CACNA1B: variants seen among roughly 807,000 people sequenced by gnomAD.
CACNA1B encodes voltage-dependent N-type calcium channel subunit alpha-1B.
A neutral mutation model predicts 247.2 loss-of-function variants in CACNA1B; 70 were observed. That is an observed-to-expected ratio of 0.28 (90% CI 0.23 to 0.35). The LOEUF (loss-of-function observed/expected upper bound fraction) is 0.35. Ranked by LOEUF, CACNA1B falls within the 10% of genes least tolerant of loss-of-function variation. The probability of loss-of-function intolerance (pLI) is 1.00; values close to 1 mark genes in which losing one functional copy is unlikely to be tolerated. For synonymous variants in CACNA1B, 1,231 were observed against 1,294.4 expected (o/e 0.95, Z 1.05); for missense variants, 2,367 against 3,197.4 (o/e 0.74, Z 6.26).
rs1166131761 is a variant in CACNA1B, at chr9:137,888,014, C to A, written c.530+5131C>A. The stretch of plus-strand genomic sequence containing the variant: ...GGAGAGGCTGGGAGGGTGGCGGGGG[C>A]AGGGGGGCCTTGGCTCGGGCGTTGG... On this transcript the variant is annotated intron_variant, in intron 3 of 46. Coordinates refer to ENST00000371372, the MANE Select transcript of CACNA1B (RefSeq NM_000718.4). The surrounding 1 kb of genome is among the most constrained non-coding windows in gnomAD (Gnocchi z 4.7). 6.6e-6 allele frequency among the ~76,000 whole-genome samples: 1 copy of A among 151,642 alleles called. No homozygotes were observed. Among genetic ancestry groups the A allele is most frequent in the Non-Finnish European group, 1.5e-5 (1 of 67,916 alleles).
chr9:137,904,351 TC>T (rs1416490094), intron 3 of CACNA1B, among the ~76,000 whole-genome samples: 5 of 128,338 alleles, frequency 3.9e-5, no homozygotes, highest in African/African-American at 1.6e-4. Flanking sequence ...TCTCTCTCTC[TC>T]TTTTTTTTTT....
chr9:138,067,780 G>A (rs1222180466), intron 31 of CACNA1B, among the ~76,000 whole-genome samples: 2 of 152,296 alleles, frequency 1.3e-5, no homozygotes, highest in Middle Eastern at 3.4e-3. Flanking sequence ...GCAGCCCCTC[G>A]AAAGTTGGAC....
rs370271136 is a variant in CACNA1B, at chr9:138,046,023, C to T, written c.3414-881C>T. On this transcript the variant is annotated intron_variant, in intron 21 of 46. Coordinates refer to ENST00000371372, the MANE Select transcript of CACNA1B (RefSeq NM_000718.4). ...CCGTCTGCCCCACCTGCTCCGTCCA[C>T]GGCTGCCTCTTCTGGTCCCCCACCC... is the stretch of plus-strand genomic sequence containing the variant. Among the ~76,000 whole-genome samples, 9 of 152,210 alleles carry T rather than the reference C, an allele frequency of 5.9e-5. No homozygotes were observed. The East Asian group carries it at 7.7e-4, about 13-fold the overall frequency.
At chr9:137,911,922 A>T (rs1191005884) in intron 3 of CACNA1B, among the ~76,000 whole-genome samples, 1 of 152,228 alleles carries the variant, frequency 6.6e-6, no homozygotes, top group Admixed American at 6.5e-5. Flanking sequence ...TGGTTTAAAC[A>T]ATAGGTGACT....
At chr9:137,921,874 G>A (rs1410592421) in intron 6 of CACNA1B, among the ~76,000 whole-genome samples, 59 of 145,474 alleles carry the variant, frequency 4.1e-4, no homozygotes, top group African/African-American at 1.5e-3. Flanking sequence ...AACATGATCA[G>A]CACTGCAGCC....
chr9:138,096,814 G>T, intron 37 of CACNA1B, among the ~76,000 whole-genome samples: 1 of 143,612 alleles, frequency 7.0e-6, no homozygotes, highest in Non-Finnish European at 1.5e-5. Flanking sequence ...GTGTGCCTTC[G>T]CGCAGTGGCC....
At chr9:138,094,457 A>AAGAAG (rs1554757334) in intron 36 of CACNA1B, among the ~76,000 whole-genome samples, 3 of 134,896 alleles carry the variant, frequency 2.2e-5, no homozygotes, top group Admixed American at 7.3e-5. Flanking sequence ...AAAAAAAAAA[A>AAGAAG]AAGAAGAAGA....
At chr9:138,097,131 C>G (rs2131343037) in intron 37 of CACNA1B, among the ~76,000 whole-genome samples, 1 of 152,114 alleles carries the variant, frequency 6.6e-6, no homozygotes, top group South Asian at 2.1e-4. Flanking sequence ...CCTCTGTGTC[C>G]CCAGCCCAGG....
rs1956877270 is a variant in CACNA1B, at chr9:137,878,951, C to T, written c.285-103C>T. On this transcript the variant is annotated intron_variant, in intron 1 of 46. Coordinates refer to ENST00000371372, the MANE Select transcript of CACNA1B (RefSeq NM_000718.4). The stretch of plus-strand genomic sequence containing the variant: ...GCTCCGGACCCAGTTGTCTCAGCCC[C>T]TCCGGAGACGGCCTAGCGGTGGCTG... 6 of 701,702 alleles carry T rather than the reference C, an allele frequency of 8.6e-6. No homozygotes were observed. In the South Asian group the frequency reaches 8.7e-5, roughly 10 times the overall value. 43.5% of individuals were successfully genotyped at this position (701,702 alleles called of 1,614,324 possible). A position where few individuals can be genotyped will look rare whatever the true frequency, so the allele number is the denominator to read the frequency against.
At chr9:138,003,048 T>C (rs1447857628) in intron 15 of CACNA1B, among the ~76,000 whole-genome samples, 1 of 151,548 alleles carries the variant, frequency 6.6e-6, no homozygotes, top group Non-Finnish European at 1.5e-5. Context: ...CCGTCCACCT[T>C]GGCCTCCAAA....
At chr9:138,120,965 C>G in intron 46 of CACNA1B, 84 bp downstream of exon 46, 1 of 1,430,500 alleles carries the variant, frequency 7.0e-7, no homozygotes, top group Non-Finnish European at 9.4e-7. Flanking sequence ...TGCCTCTCCC[C>G]AGGGCCTCGC....
At chr9:138,002,722 A>T (rs1024849069) in intron 15 of CACNA1B, among the ~76,000 whole-genome samples, 1 of 151,976 alleles carries the variant, frequency 6.6e-6, no homozygotes, top group African/African-American at 2.4e-5. Flanking sequence ...GAAAGAAAAA[A>T]ATATATATTA....
At chr9:137,892,295 C>T (rs1330899778) in intron 3 of CACNA1B, 11 of 456,640 alleles carry the variant, frequency 2.4e-5, no homozygotes, top group African/African-American at 2.0e-5. Context: ...TGGTTTCTGG[C>T]GAGGCCTCTC....
At chr9:137,946,082 A>C (rs533783025) in intron 6 of CACNA1B, among the ~76,000 whole-genome samples, 2 of 152,176 alleles carry the variant, frequency 1.3e-5, no homozygotes, top group Non-Finnish European at 2.9e-5. Context: ...GGCCTCCCAG[A>C]GTGCTAGCAT....
intron 45 of CACNA1B, 114 bp downstream of exon 45, chr9:138,120,486 C>A: frequency 7.2e-7 from 1 of 1,384,094 alleles, no homozygotes; most frequent in Non-Finnish European, 9.7e-7. Flanking sequence ...CCATAACCAG[C>A]CAGAGCAGGG....
At chr9:138,016,676 C>T (rs912360580) in intron 18 of CACNA1B, among the ~76,000 whole-genome samples, 2 of 152,100 alleles carry the variant, frequency 1.3e-5, no homozygotes, top group African/African-American at 2.4e-5. Flanking sequence ...GTCAGCCTCC[C>T]GCCGCAGGGT....
At chr9:138,025,237 C>G in intron 20 of CACNA1B, 65 bp downstream of exon 20, 1 of 1,113,710 alleles carries the variant, frequency 9.0e-7, no homozygotes, top group Non-Finnish European at 1.3e-6. Flanking sequence ...CCCCCATTCC[C>G]TCCTGCTCCA....
Position 138,014,417 on chromosome 9 carries a change from G to A in CACNA1B, c.2267+1182G>A, listed in dbSNP as rs888339654. ...CAGCTAGAAGAGGCTGCAGCCCGCCGGGGACTCAGGCAGGGATGGGAGGGG... is the reference window on the plus strand; with the variant it reads ...CAGCTAGAAGAGGCTGCAGCCCGCCAGGGACTCAGGCAGGGATGGGAGGGG... On this transcript the variant is annotated intron_variant, in intron 18 of 46. Transcript: ENST00000371372. The surrounding 1 kb of genome is among the most constrained non-coding windows in gnomAD (Gnocchi z 6.2). Among the ~76,000 whole-genome samples the A allele has an allele frequency of 3.9e-5, 6 of 152,102 alleles. No homozygotes were observed. The highest frequency in any genetic ancestry group is 7.2e-5 in the African/African-American group (3 of 41,416).
chr9:137,974,140 G>T lies in CACNA1B; in HGVS notation c.1544-1767G>T, dbSNP rs976966417. ...TGTGTATTCCCCTGGGCTTGCTGGG[G>T]TGCTCTGCACTGGACTGCAGGGGTC... On this transcript the variant is annotated intron_variant, in intron 11 of 46. Coordinates refer to ENST00000371372, the MANE Select transcript of CACNA1B (RefSeq NM_000718.4). This position sits in a 1 kb window ranked among gnomAD's most constrained non-coding sequence, Gnocchi z 4.5. Among the ~76,000 whole-genome samples the T allele has an allele frequency of 6.6e-6, 1 of 152,190 alleles. No homozygotes were observed. The highest frequency in any genetic ancestry group is 1.5e-5 in the Non-Finnish European group (1 of 68,042).
Sources: gnomAD v4.1 joint callset for allele counts (sites outside exome capture counted in the v4.1 genomes callset) on GRCh38, gnomAD v4.1.1 for gene constraint, Gnocchi (gnomAD v3.1) non-coding constraint, MANE v1.5 for transcripts, NCBI Gene and HGNC (gene_info 2026-07-23, HGNC 2026-07-21) for gene names.